Variants in SORBS2 observed in about 807,000 individuals in gnomAD.
SORBS2 encodes sorbin and SH3 domain-containing protein 2.
A neutral mutation model predicts 97.7 loss-of-function variants in SORBS2; 46 were observed. The ratio of observed to expected loss-of-function variants is 0.47; its 90% CI spans 0.37 to 0.60. The LOEUF is 0.60. Ranked by LOEUF, SORBS2 falls within the 20% of genes least tolerant of loss-of-function variation. The pLI is 0.00. For synonymous variants in SORBS2, 476 were observed against 473.4 expected (o/e 1.01, Z -0.07); for missense variants, 1,316 against 1,282.3 (o/e 1.03, Z -0.40).
chr4:185,655,672 G>A (rs1044635523), intron 1 of SORBS2, among the ~76,000 whole-genome samples: 12 of 152,216 alleles, frequency 7.9e-5, no homozygotes, highest in African/African-American at 1.9e-4. Flanking sequence ...ATACCCAAAC[G>A]TGCTTTTGAT....
At chr4:185,701,775 CTT>C (rs34491237) in intron 2 of SORBS2, among the ~76,000 whole-genome samples, 2 of 144,344 alleles carry the variant, frequency 1.4e-5, no homozygotes, top group African/African-American at 2.5e-5. Context: ...AAATTTCTTT[CTT>C]TTTTTTTTTT....
In SORBS2 at chr4:185,602,073, C is replaced by T. The variant is rs6819422; in HGVS notation, c.2797-8138G>A. On this transcript the variant is annotated intron_variant, in intron 12 of 14. Coordinates refer to ENST00000418609, the Ensembl canonical transcript of SORBS2. Reference sequence around the variant, plus strand: ...GTTGCCAGGCTGGAGTGCAGTGGCACGGTCTCGGCTCACTGCAACCTCTGC... The same window carrying T: ...GTTGCCAGGCTGGAGTGCAGTGGCATGGTCTCGGCTCACTGCAACCTCTGC... Among the ~76,000 whole-genome samples the T allele has an allele frequency of 5.1e-3, 774 of 152,256 alleles. 10 individuals carry two copies. Among genetic ancestry groups the T allele is most frequent in the African/African-American group, 0.018 (729 of 41,544 alleles).
intron 1 of SORBS2, among the ~76,000 whole-genome samples, chr4:185,927,730 T>C (rs775324504): frequency 6.6e-5 from 10 of 152,246 alleles, no homozygotes; most frequent in Non-Finnish European, 1.3e-4. Flanking sequence ...TCATTTCTAC[T>C]ATTCTTTCCT....
intron 14 of SORBS2, chr4:185,588,316 T>TATC (rs1184591513): frequency 2.0e-5 from 3 of 152,278 alleles, no homozygotes; most frequent in Non-Finnish European, 4.4e-5. Context: ...GTGGGAGTTC[T>TATC]ATCAGTGGCA....
chr4:185,879,428 A>G (rs2099235734), intron 1 of SORBS2, among the ~76,000 whole-genome samples: 1 of 152,136 alleles, frequency 6.6e-6, no homozygotes, highest in African/African-American at 2.4e-5. Flanking sequence ...ATTGATGGAC[A>G]TTCGGGTTGG....
At chr4:185,861,065 A>C (rs554330526) in intron 1 of SORBS2, among the ~76,000 whole-genome samples, 1 of 152,308 alleles carries the variant, frequency 6.6e-6, no homozygotes, top group South Asian at 2.1e-4. Context: ...ATTTTGGGGT[A>C]AAATACTTCA....
intron 1 of SORBS2, among the ~76,000 whole-genome samples, chr4:185,799,233 A>T (rs2099119418): frequency 6.6e-6 from 1 of 152,126 alleles, no homozygotes; most frequent in Non-Finnish European, 1.5e-5. Flanking sequence ...AAGAAGAGCC[A>T]CCTAACATAC....
In SORBS2 at chr4:185,827,765, TCATCAC is replaced by T. The variant is rs2099202317; in HGVS notation, c.-337-52405_-337-52400del. On this transcript the variant is annotated intron_variant, in intron 1 of 20. Transcript: ENST00000284776. ...ACCATCATCACCATCATCACCATCA[TCATCAC>T]CATCACCATCATCATCGTCACCATC... is the stretch of plus-strand genomic sequence containing the variant. Among the ~76,000 whole-genome samples, 2 of 119,682 alleles carry T rather than the reference TCATCAC, an allele frequency of 1.7e-5. 1 individual carries two copies. Among genetic ancestry groups the T allele is most frequent in the Non-Finnish European group, 3.6e-5 (2 of 55,258 alleles). 78.5% of individuals were successfully genotyped at this position (119,682 alleles called of 152,430 possible). A position where few individuals can be genotyped will look rare whatever the true frequency, so the allele number is the denominator to read the frequency against.
intron 1 of SORBS2, among the ~76,000 whole-genome samples, chr4:185,876,023 G>A (rs2099233423): frequency 6.6e-6 from 1 of 152,036 alleles, no homozygotes; most frequent in South Asian, 2.1e-4. Flanking sequence ...TCTGTGTTTT[G>A]TACCCTTCTC....
In SORBS2 at chr4:185,812,214, G is replaced by A. The variant is rs1299424718; in HGVS notation, c.-337-36848C>T. On this transcript the variant is annotated intron_variant, in intron 1 of 20. Coordinates refer to the SORBS2 transcript ENST00000284776. ...GAATATGCCACACTGTTTTCCATAAGTAAAATGGCTGGTCCTCTCAGCTCT... is the reference window on the plus strand; with the variant it reads ...GAATATGCCACACTGTTTTCCATAAATAAAATGGCTGGTCCTCTCAGCTCT... 6.6e-6 allele frequency: 1 copy of A among 152,246 alleles called. No individual in the cohort carries two copies. 9.4% of individuals were successfully genotyped at this position (152,246 alleles called of 1,614,324 possible). A position where few individuals can be genotyped will look rare whatever the true frequency, so the allele number is the denominator to read the frequency against.
chr4:185,876,258 C>A (rs1252581760), intron 1 of SORBS2, among the ~76,000 whole-genome samples: 3 of 152,138 alleles, frequency 2.0e-5, no homozygotes, highest in Admixed American at 6.5e-5. Context: ...CAGGCATGTG[C>A]CACCTCACCT....
At chr4:185,877,140 C>G (rs1353524399) in intron 1 of SORBS2, among the ~76,000 whole-genome samples, 1 of 152,066 alleles carries the variant, frequency 6.6e-6, no homozygotes, top group African/African-American at 2.4e-5. Context: ...AAATAGCTTG[C>G]TGGAGGCACA....
In SORBS2 at chr4:185,850,382, T is replaced by C. The variant is rs143841665; in HGVS notation, c.-337-75016A>G. Reference sequence around the variant, plus strand: ...CCATATGTCGAGAGTCTAACAATTTTACAAACAAGTTGTTAGAGGGAAAGA... The same window carrying C: ...CCATATGTCGAGAGTCTAACAATTTCACAAACAAGTTGTTAGAGGGAAAGA... On this transcript the variant is annotated intron_variant, in intron 1 of 20. Coordinates refer to the SORBS2 transcript ENST00000284776. Among the ~76,000 whole-genome samples, 6 of 152,252 alleles carry C rather than the reference T, an allele frequency of 3.9e-5. 1 individual carries two copies. In the East Asian group the frequency reaches 1.2e-3, roughly 29 times the overall value.
intron 1 of SORBS2, among the ~76,000 whole-genome samples, chr4:185,653,899 G>A (rs894406336): frequency 1.3e-5 from 2 of 152,124 alleles, no homozygotes; most frequent in Non-Finnish European, 2.9e-5. Flanking sequence ...GACAGATCTC[G>A]ATTTAAAAAC....
intron 2 of SORBS2, among the ~76,000 whole-genome samples, chr4:185,746,195 TTG>T (rs1271697122): frequency 6.6e-6 from 1 of 152,240 alleles, no homozygotes; most frequent in African/African-American, 2.4e-5. Flanking sequence ...ACACTCGTAG[TTG>T]TGTCTCAAAG....
intron 3 of SORBS2, 110 bp from the exon 13 acceptor site, chr4:185,646,892 A>G: frequency 3.1e-6 from 2 of 655,214 alleles, no homozygotes; most frequent in South Asian, 4.0e-5. Context: ...TTTAAAAAAA[A>G]TCTCTCAGGA....
intron 1 of SORBS2, among the ~76,000 whole-genome samples, chr4:185,912,119 TTAAA>T (rs1380738855): frequency 6.6e-6 from 1 of 152,208 alleles, no homozygotes; most frequent in African/African-American, 2.4e-5. Context: ...AAATGCATGT[TTAAA>T]TAACCCTAAA....
At chr4:185,954,928 G>A (rs931199462) in intron 1 of SORBS2, among the ~76,000 whole-genome samples, 2 of 152,122 alleles carry the variant, frequency 1.3e-5, no homozygotes, top group African/African-American at 4.8e-5. Flanking sequence ...TTCCAGCCTG[G>A]CCAACATGAG....
At position 185,692,925 on chromosome 4, in the gene SORBS2, T is replaced by C. The variant is rs1485277502; in HGVS notation, c.-197-14103A>G. Among the ~76,000 whole-genome samples the C allele has an allele frequency of 3.3e-5, 5 of 152,326 alleles. No individual in the cohort carries two copies. The East Asian group carries it at 9.6e-4, about 29-fold the overall frequency. On this transcript the variant is annotated intron_variant, in intron 2 of 20. Coordinates refer to the SORBS2 transcript ENST00000284776. ...ATCACAGTACTGATAATCACCTCAG[T>C]ATATGTTTTTAGAGCTCTACGCTGA...
Sources: allele counts gnomAD v4.1 joint callset (sites outside exome capture counted in the v4.1 genomes callset), GRCh38; gene constraint gnomAD v4.1.1; transcripts MANE v1.5; gene names NCBI Gene and HGNC (gene_info 2026-07-23, HGNC 2026-07-21).